MYT1L: variants seen among roughly 807,000 people sequenced by gnomAD.
MYT1L encodes myelin transcription factor 1 like, also known as myelin transcription factor 1-like protein.
MYT1L carries 12 observed loss-of-function variants against 126.7 expected under a neutral mutation model. That is an observed-to-expected ratio of 0.09 (90% CI 0.06 to 0.15). The LOEUF (loss-of-function observed/expected upper bound fraction) is 0.15. MYT1L is among the 10% of genes least tolerant of loss of function. MYT1L has a pLI of 1.00. For synonymous variants in MYT1L, 541 were observed against 604.2 expected (o/e 0.90, Z 1.53); for missense variants, 979 against 1,585.2 (o/e 0.62, Z 6.49).
chr2:1,936,205 G>A (rs556584227), intron 9 of MYT1L, among the ~76,000 whole-genome samples: 5 of 152,344 alleles, frequency 3.3e-5, no homozygotes, highest in South Asian at 4.1e-4. Context: ...TTACAGGCGT[G>A]AGCCACCACA....
At chr2:2,109,875 T>TTA (rs58549168) in intron 3 of MYT1L, among the ~76,000 whole-genome samples, 1,279 of 63,570 alleles carry the variant, frequency 0.02, 67 homozygotes, top group Non-Finnish European at 0.022. Flanking sequence ...AGTGCTGATT[T>TTA]TATATATATA....
chr2:2,318,415 C>A (rs902806735), intron 1 of MYT1L, among the ~76,000 whole-genome samples: 6 of 152,178 alleles, frequency 3.9e-5, no homozygotes, highest in Non-Finnish European at 7.3e-5. Context: ...ACTAGATGAA[C>A]AGGTGGCTTT....
chr2:2,190,080 G>A (rs1397395780), intron 2 of MYT1L, among the ~76,000 whole-genome samples: 1 of 152,114 alleles, frequency 6.6e-6, no homozygotes, highest in Non-Finnish European at 1.5e-5. Flanking sequence ...CTCATCCTTC[G>A]CTTTCTGTAT....
chr2:1,988,499 T>C (rs1208990418), intron 5 of MYT1L, among the ~76,000 whole-genome samples: 1 of 152,226 alleles, frequency 6.6e-6, no homozygotes, highest in Non-Finnish European at 1.5e-5. Flanking sequence ...CTGGATGGCT[T>C]TGGAAGACAC....
intron 21 of MYT1L, among the ~76,000 whole-genome samples, chr2:1,820,906 T>A (rs1274917934): frequency 2.0e-5 from 3 of 151,504 alleles, no homozygotes; most frequent in Admixed American, 1.3e-4. Context: ...ACTCAAGCAG[T>A]CAAAAGACCT....
chr2:2,300,662 G>A (rs988425431), intron 1 of MYT1L, among the ~76,000 whole-genome samples: 1 of 152,148 alleles, frequency 6.6e-6, no homozygotes, highest in African/African-American at 2.4e-5. Context: ...TGTCCCATGC[G>A]CATTTTGAGT....
chr2:2,200,607 G>A (rs543483785), intron 2 of MYT1L, among the ~76,000 whole-genome samples: 5 of 152,166 alleles, frequency 3.3e-5, no homozygotes, highest in Non-Finnish European at 5.9e-5. Context: ...CATATTCACC[G>A]GTTCCAGGAA....
At chr2:2,259,265 G>A (rs1474925238) in intron 2 of MYT1L, among the ~76,000 whole-genome samples, 1 of 108,628 alleles carries the variant, frequency 9.2e-6, no homozygotes, top group African/African-American at 3.9e-5. Flanking sequence ...GAGGGGGGAG[G>A]GATAGCATTG....
chr2:1,871,910 G>A (rs1259011208), intron 18 of MYT1L, among the ~76,000 whole-genome samples: 1 of 152,112 alleles, frequency 6.6e-6, no homozygotes, highest in Non-Finnish European at 1.5e-5. Flanking sequence ...CTGCAACAGA[G>A]GTCATCGCTG....
intron 2 of MYT1L, among the ~76,000 whole-genome samples, chr2:2,217,976 G>A (rs1005268137): frequency 6.6e-6 from 1 of 152,166 alleles, no homozygotes; most frequent in African/African-American, 2.4e-5. Flanking sequence ...AAGATGCTTA[G>A]CATCAGTAGA....
At chr2:1,868,784 C>T (rs1222434520) in intron 18 of MYT1L, among the ~76,000 whole-genome samples, 6 of 152,324 alleles carry the variant, frequency 3.9e-5, no homozygotes, top group African/African-American at 9.6e-5. Context: ...CTCCTCCCTG[C>T]GGTGCAGGCT....
chr2:2,236,977 C>G (rs939038258), intron 2 of MYT1L, among the ~76,000 whole-genome samples: 2 of 152,040 alleles, frequency 1.3e-5, no homozygotes, highest in Non-Finnish European at 2.9e-5. Context: ...CCACACCCAG[C>G]TAATTTATGT....
Position 2,160,393 on chromosome 2 carries a change from G to A in MYT1L, c.-304+12479C>T, listed in dbSNP as rs115152057. Among the ~76,000 whole-genome samples the A allele has an allele frequency of 3.9e-3, 593 of 152,306 alleles. 2 individuals are homozygous for A. The highest frequency in any genetic ancestry group is 0.014 in the African/African-American group (578 of 41,564). ...ATATAATAGAAACCAAATGGTTGAT[G>A]AAGGAACGTTTTCTGTAGAGAAGTC... On this transcript the variant is annotated intron_variant, in intron 3 of 24. Transcript: ENST00000647738.
chr2:2,272,015 G>A (rs894728561), intron 2 of MYT1L, among the ~76,000 whole-genome samples: 1 of 152,176 alleles, frequency 6.6e-6, no homozygotes, highest in African/African-American at 2.4e-5. Context: ...CTACACGGCT[G>A]CCTGAACTCT....
intron 3 of MYT1L, among the ~76,000 whole-genome samples, chr2:2,069,913 G>A (rs968479019): frequency 2.0e-5 from 3 of 149,936 alleles, no homozygotes; most frequent in African/African-American, 7.3e-5. Flanking sequence ...ACTTTTTGAT[G>A]GGGTTGTTTT....
intron 2 of MYT1L, among the ~76,000 whole-genome samples, chr2:2,277,640 A>G (rs577630826): frequency 1.3e-5 from 2 of 152,372 alleles, no homozygotes; most frequent in South Asian, 4.1e-4. Context: ...ATGAGTTAGA[A>G]TTGAAATAGT....
chr2:2,208,880 A>G (rs2093405235), intron 2 of MYT1L, among the ~76,000 whole-genome samples: 1 of 152,202 alleles, frequency 6.6e-6, no homozygotes, highest in Non-Finnish European at 1.5e-5. Context: ...CTAGATCATG[A>G]TACTTATTTT....
intron 1 of MYT1L, among the ~76,000 whole-genome samples, chr2:2,297,155 C>T (rs547994520): frequency 9.8e-5 from 15 of 152,334 alleles, no homozygotes; most frequent in East Asian, 7.7e-4. Context: ...CCCGCCTTTG[C>T]GACATAGAAT....
chr2:1,856,338 A>G (rs551884612), intron 18 of MYT1L, among the ~76,000 whole-genome samples: 1 of 152,350 alleles, frequency 6.6e-6, no homozygotes, highest in African/African-American at 2.4e-5. Flanking sequence ...AAGAAGCGGC[A>G]TTGACCACAC....
Sources: allele counts gnomAD v4.1 joint callset (sites outside exome capture counted in the v4.1 genomes callset), GRCh38; gene constraint gnomAD v4.1.1; transcripts MANE v1.5; gene names NCBI Gene and HGNC (gene_info 2026-07-23, HGNC 2026-07-21).